KLHL40: variants seen among roughly 807,000 people sequenced by gnomAD.
KLHL40 encodes kelch like family member 40, also known as kelch-like protein 40.
Under a neutral mutation model 49.7 loss-of-function variants are expected in KLHL40, and 44 were observed. That is an observed-to-expected ratio of 0.89 (90% CI 0.70 to 1.14). KLHL40 has a LOEUF of 1.14. KLHL40 is among the 50% of genes most tolerant of loss of function. KLHL40 has a pLI of 0.00. For missense variants in KLHL40, 892 were observed against 850.3 expected, an observed-to-expected ratio of 1.05 and a Z score of -0.61; for synonymous variants, 409 against 365.2, an observed-to-expected ratio of 1.12 and a Z score of -1.37.
At chr3:42,689,706 T>G (rs1325787206) in intron 4 of KLHL40, among the ~76,000 whole-genome samples, 2 of 151,830 alleles carry the variant, frequency 1.3e-5, no homozygotes, top group Non-Finnish European at 1.5e-5. Flanking sequence ...GGCCTGGAGC[T>G]GGGGGCACAG....
rs1697272230 is a variant in KLHL40, at chr3:42,686,318, C to T, written c.700C>T (p.Leu234=). The T allele has an allele frequency of 6.2e-7, 1 of 1,605,108 alleles. No homozygotes were observed. The part of the protein sequence containing the change: ...VRCRLLPRAF[L]ESRVERHPLV... ...CTGCCGCTTGCTGCCGCGCGCCTTT[C>T]TGGAAAGCCGCGTGGAGCGCCACCC... Residue 234 remains leucine, a synonymous_variant, in exon 1 of 6, where the codon CTG becomes TTG. Transcript: ENST00000287777.
rs1697300300 is a variant in KLHL40, at chr3:42,688,084, G to A, written c.1153-58G>A. ...GATCTGGGGCAGTGGGACTGAGTGG[G>A]GCTGGGCTGAGGCTGGGGGAGTGGG... On this transcript the variant is annotated intron_variant, in intron 1 of 5. Coordinates refer to ENST00000287777, the MANE Select transcript of KLHL40 (RefSeq NM_152393.4). This position sits in a 1 kb window ranked among gnomAD's most constrained non-coding sequence, Gnocchi z 4.2. 1 of 1,608,968 alleles carries A rather than the reference G, an allele frequency of 6.2e-7. No homozygotes were observed. The highest frequency in any genetic ancestry group is 1.3e-5 in the African/African-American group (1 of 74,850).
Position 42,688,233 on chromosome 3 carries a change from A to G in KLHL40, c.1244A>G (p.Tyr415Cys), listed in dbSNP as rs755183696. ...FGLGEALNSIYVVGGREIKDG... is the reference protein window; with the variant it reads ...FGLGEALNSICVVGGREIKDG... Reference sequence around the variant, plus strand: ...CTGGGAGAAGCTCTCAACTCCATCTACGTGGTCGGTGGCAGAGAGATCAAG... The same window carrying G: ...CTGGGAGAAGCTCTCAACTCCATCTGCGTGGTCGGTGGCAGAGAGATCAAG... The change falls in exon 2 of 6, where the codon TAC (tyrosine) becomes TGC (cysteine). Residue 415 changes from tyrosine to cysteine, a missense_variant. Physicochemically the swap from Tyr to Cys is radical, Grantham distance 194 (BLOSUM62 -2). Coordinates refer to ENST00000287777, the MANE Select transcript of KLHL40 (RefSeq NM_152393.4). This position sits in a 1 kb window ranked among gnomAD's most constrained non-coding sequence, Gnocchi z 4.2. 1.2e-6 allele frequency: 2 copies of G among 1,613,862 alleles called. No homozygotes were observed. Among genetic ancestry groups the G allele is most frequent in the East Asian group, 2.2e-5 (1 of 44,848 alleles).
In KLHL40 at chr3:42,688,574, G is replaced by T. The variant is rs1258134809; in HGVS notation, c.1314-36G>T. On this transcript the variant is annotated intron_variant, in intron 2 of 5. Transcript: ENST00000287777. This position sits in a 1 kb window ranked among gnomAD's most constrained non-coding sequence, Gnocchi z 4.2. ...ACAGGGACTGAGCCGAGCCTGGATGGGTGCCCTCCCCCACCCCCACTCCCG... is the reference window on the plus strand; with the variant it reads ...ACAGGGACTGAGCCGAGCCTGGATGTGTGCCCTCCCCCACCCCCACTCCCG... 1 of 1,509,884 alleles carries T rather than the reference G, an allele frequency of 6.6e-7. No homozygotes were observed. Among genetic ancestry groups the T allele is most frequent in the Non-Finnish European group, 9.2e-7 (1 of 1,087,862 alleles). 93.5% of individuals were successfully genotyped at this position (1,509,884 alleles called of 1,614,324 possible).
chr3:42,689,726 G>T (rs1276977051), intron 4 of KLHL40, among the ~76,000 whole-genome samples: 1 of 152,122 alleles, frequency 6.6e-6, no homozygotes, highest in East Asian at 1.9e-4. Context: ...GCGGAGATGG[G>T]GTTGAGGGGA....
rs560260717 is a variant in KLHL40, at chr3:42,686,228, A to T, written c.610A>T (p.Ser204Cys). ...CGAGGCGGTGATGCGGTGGGCGGGT[A>T]GCGGCGACGCCGAGGCGCAGGCTGA... Reference protein sequence around the residue: ...VFEAVMRWAGSGDAEAQAERQ... With the variant: ...VFEAVMRWAGCGDAEAQAERQ... Residue 204 changes from serine to cysteine, a missense_variant, in exon 1 of 6, where the codon AGC (serine) becomes TGC (cysteine). Ser to Cys is a moderately radical substitution (Grantham distance 112, BLOSUM62 -1). Transcript: ENST00000287777. 1 of 1,556,412 alleles carries T rather than the reference A, an allele frequency of 6.4e-7. No individual in the cohort carries two copies. Among genetic ancestry groups the T allele is most frequent in the South Asian group, 1.2e-5 (1 of 85,984 alleles).
At position 42,685,822 on chromosome 3, in the gene KLHL40, C is replaced by G. The variant is rs1481709488; in HGVS notation, c.204C>G (p.Arg68=). The G allele has an allele frequency of 3.1e-6, 5 of 1,612,706 alleles. No individual in the cohort carries two copies. The highest frequency in any genetic ancestry group is 2.2e-5 in the South Asian group (2 of 91,066). ...FRARFLAEPE[R]AGELHLEEVS... ...CGCGCTTTCTAGCCGAGCCGGAGCG[C>G]GCGGGCGAGCTGCACCTGGAGGAGG... is the stretch of plus-strand genomic sequence containing the variant. Residue 68 remains arginine (R), a synonymous_variant, in exon 1 of 6, where the codon CGC becomes CGG. Coordinates refer to ENST00000287777, the MANE Select transcript of KLHL40 (RefSeq NM_152393.4).
Position 42,692,049 on chromosome 3 carries a change from T to C in KLHL40, c.*56T>C. The stretch of plus-strand genomic sequence containing the variant: ...TCCCATCCTGCGACCCTCACTGGCC[T>C]GGCCTTGTGGGGGCTCCAGAAAAGA... On this transcript the variant is annotated 3_prime_UTR_variant, in exon 6 of 6. Transcript: ENST00000287777. 9.2e-7 allele frequency: 1 copy of C among 1,082,318 alleles called. No homozygotes were observed. Among genetic ancestry groups the C allele is most frequent in the Non-Finnish European group, 1.4e-6 (1 of 698,186 alleles). 67.0% of individuals were successfully genotyped at this position (1,082,318 alleles called of 1,614,324 possible).
Position 42,690,986 on chromosome 3 carries a change from G to A in KLHL40, c.1735G>A (p.Glu579Lys), listed in dbSNP as rs756584441. The A allele has an allele frequency of 1.4e-5, 23 of 1,611,244 alleles. No individual in the cohort carries two copies. Among genetic ancestry groups the A allele is most frequent in the Non-Finnish European group, 1.9e-5 (22 of 1,178,610 alleles). Residue 579 changes from glutamate (E) to lysine (K), a missense_variant, in exon 5 of 6, where the codon GAG (glutamate) becomes AAG (lysine). Coordinates refer to ENST00000287777, the MANE Select transcript of KLHL40 (RefSeq NM_152393.4). ...GGAGTCTGGAGAGCTGGTTCCCACA[G>A]AGCTCAATGACATCTGGAGGTGAGT... ...ETESGELVPTELNDIWRYNEE... is the reference protein window; with the variant it reads ...ETESGELVPTKLNDIWRYNEE...
rs902379148 is a variant in KLHL40, at chr3:42,686,634, A to G, written c.1016A>G (p.Tyr339Cys). 1.9e-6 allele frequency: 3 copies of G among 1,613,916 alleles called. No individual in the cohort carries two copies. Among genetic ancestry groups the G allele is most frequent in the African/African-American group, 2.7e-5 (2 of 74,932 alleles). The change falls in exon 1 of 6, where the codon TAC (tyrosine) becomes TGC (cysteine). Residue 339 changes from tyrosine to cysteine, a missense_variant. Physicochemically the swap from Tyr to Cys is radical, Grantham distance 194 (BLOSUM62 -2). Transcript: ENST00000287777. The part of the protein sequence containing the change: ...VAYDPAANEC[Y>C]CASLSNQVPK... ...TACGATCCAGCAGCCAACGAGTGCT[A>G]CTGTGCTTCCCTCTCCAACCAGGTC...
At position 42,688,437 on chromosome 3, in the gene KLHL40, G is replaced by A; in HGVS notation, c.1313+135G>A. 4.8e-6 allele frequency: 5 copies of A among 1,034,406 alleles called. No individual in the cohort carries two copies. The highest frequency in any genetic ancestry group is 5.8e-6 in the Non-Finnish European group (4 of 693,882). 64.1% of individuals were successfully genotyped at this position (1,034,406 alleles called of 1,614,324 possible). A position where few individuals can be genotyped will look rare whatever the true frequency, so the allele number is the denominator to read the frequency against. On this transcript the variant is annotated intron_variant, in intron 2 of 5. Transcript: ENST00000287777. The surrounding 1 kb of genome is among the most constrained non-coding windows in gnomAD (Gnocchi z 4.2). Reference sequence around the variant, plus strand: ...GTGAAGGTGGGCTTGGGTAAGGGCGGGGAGGTTGGGGGGCAGGGTGGGATC... The same window carrying A: ...GTGAAGGTGGGCTTGGGTAAGGGCGAGGAGGTTGGGGGGCAGGGTGGGATC...
At position 42,686,782 on chromosome 3, in the gene KLHL40, G is replaced by A; in HGVS notation, c.1152+12G>A. Reference sequence around the variant, plus strand: ...CATACTTCCTGCAGGTGCCTGACCAGCCTTGGGAGCCGCCAGCTAATGCTG... The same window carrying A: ...CATACTTCCTGCAGGTGCCTGACCAACCTTGGGAGCCGCCAGCTAATGCTG... On this transcript the variant is annotated intron_variant, in intron 1 of 5. Coordinates refer to ENST00000287777, the MANE Select transcript of KLHL40 (RefSeq NM_152393.4). 2 of 1,590,248 alleles carry A rather than the reference G, an allele frequency of 1.3e-6. No homozygotes were observed. The highest frequency in any genetic ancestry group is 1.7e-6 in the Non-Finnish European group (2 of 1,168,878).
chr3:42,687,767 C>G (rs564144099), intron 1 of KLHL40, among the ~76,000 whole-genome samples: 1 of 152,004 alleles, frequency 6.6e-6, no homozygotes, highest in Non-Finnish European at 1.5e-5. Context: ...AAGGCAGGGC[C>G]GTATTTGGAA....
chr3:42,686,356 C>A lies in KLHL40; in HGVS notation c.738C>A (p.Ala246=), dbSNP rs1400527780. ...SRVERHPLVR[A]QPELLRKVQM... ...TGGAGCGCCACCCTCTCGTGCGTGC[C>A]CAGCCCGAGTTGCTGCGCAAGGTGC... is the stretch of plus-strand genomic sequence containing the variant. Residue 246 remains alanine, a synonymous_variant, in exon 1 of 6, where the codon GCC becomes GCA. Coordinates refer to ENST00000287777, the MANE Select transcript of KLHL40 (RefSeq NM_152393.4). 2.0e-5 allele frequency: 33 copies of A among 1,612,984 alleles called. No homozygotes were observed. The highest frequency in any genetic ancestry group is 2.8e-5 in the Non-Finnish European group (33 of 1,179,830).
chr3:42,686,128 C>A lies in KLHL40; in HGVS notation c.510C>A (p.Leu170=). Residue 170 remains leucine (L), a synonymous_variant, in exon 1 of 6, where the codon CTC becomes CTA. Transcript: ENST00000287777. ...TGGTGGCGCGCGACGCTGACTTCCT[C>A]GGACTCTCGGCCGACGAGCTCATCG... ...FTLVARDADF[L]GLSADELIAI... is the part of the protein sequence containing the mutation. The A allele has an allele frequency of 3.1e-6, 5 of 1,599,110 alleles. No individual in the cohort carries two copies. Among genetic ancestry groups the A allele is most frequent in the Non-Finnish European group, 3.4e-6 (4 of 1,178,576 alleles).
chr3:42,685,605 C>A lies in KLHL40; in HGVS notation c.-14C>A. The A allele has an allele frequency of 6.4e-7, 1 of 1,571,132 alleles. No homozygotes were observed. Among genetic ancestry groups the A allele is most frequent in the South Asian group, 1.2e-5 (1 of 85,698 alleles). On this transcript the variant is annotated 5_prime_UTR_variant, in exon 1 of 6. Transcript: ENST00000287777. ...GCCCCCTTGGCACCGCCACCGCACC[C>A]TAGGCCACCCACCATGGCGCTGGGC...
At position 42,686,117 on chromosome 3, in the gene KLHL40, G is replaced by T. The variant is rs2125844665; in HGVS notation, c.499G>T (p.Ala167Ser). The part of the protein sequence containing the change: ...CAHFTLVARD[A>S]DFLGLSADEL... Reference sequence around the variant, plus strand: ...TCACTTCACGCTGGTGGCGCGCGACGCTGACTTCCTCGGACTCTCGGCCGA... The same window carrying T: ...TCACTTCACGCTGGTGGCGCGCGACTCTGACTTCCTCGGACTCTCGGCCGA... Residue 167 changes from alanine (A) to serine (S), a missense_variant, in exon 1 of 6, where the codon GCT becomes TCT. Physicochemically the swap from Ala to Ser is moderately conservative, Grantham distance 99 (BLOSUM62 1). Transcript: ENST00000287777. 1 of 1,600,234 alleles carries T rather than the reference G, an allele frequency of 6.2e-7. No homozygotes were observed. Among genetic ancestry groups the T allele is most frequent in the Non-Finnish European group, 8.5e-7 (1 of 1,179,276 alleles).
At position 42,688,139 on chromosome 3, in the gene KLHL40, C is replaced by T. The variant is rs767265252; in HGVS notation, c.1153-3C>T. ...GGTAGCTGACTGGACACCTGGCCTG[C>T]AGTTTGACCATCTGGACTCAGAGTG... On this transcript the variant is annotated splice_polypyrimidine_tract_variant and splice_region_variant and intron_variant, in intron 1 of 5. Coordinates refer to ENST00000287777, the MANE Select transcript of KLHL40 (RefSeq NM_152393.4). This position sits in a 1 kb window ranked among gnomAD's most constrained non-coding sequence, Gnocchi z 4.2. 6.2e-7 allele frequency: 1 copy of T among 1,613,850 alleles called. No homozygotes were observed. The highest frequency in any genetic ancestry group is 2.2e-5 in the East Asian group (1 of 44,866).
Position 42,686,543 on chromosome 3 carries a change from A to G in KLHL40, c.925A>G (p.Thr309Ala). Residue 309 changes from threonine to alanine, a missense_variant, in exon 1 of 6, where the codon ACC becomes GCC. Physicochemically the swap from Thr to Ala is moderately conservative, Grantham distance 58 (BLOSUM62 0). Transcript: ENST00000287777. ...TATCCTTCCTGGGATCCTCAATGAC[A>G]CCCTGCGCTTCGGCATGTTCCTGCA... is the stretch of plus-strand genomic sequence containing the variant. ...ERILPGILNDTLRFGMFLQDL... is the reference protein window; with the variant it reads ...ERILPGILNDALRFGMFLQDL... 5 of 1,613,986 alleles carry G rather than the reference A, an allele frequency of 3.1e-6. No individual in the cohort carries two copies. The highest frequency in any genetic ancestry group is 4.2e-6 in the Non-Finnish European group (5 of 1,179,986).
Sources: gnomAD v4.1 joint callset for allele counts (sites outside exome capture counted in the v4.1 genomes callset) on GRCh38, gnomAD v4.1.1 for gene constraint, Gnocchi (gnomAD v3.1) non-coding constraint, MANE v1.5 for transcripts, NCBI Gene and HGNC (gene_info 2026-07-23, HGNC 2026-07-21) for gene names.